Variants in LRRC28 observed in about 807,000 individuals in gnomAD.
LRRC28 encodes the protein leucine-rich repeat-containing protein 28.
LRRC28 carries 39 observed loss-of-function variants against 45.7 expected under a neutral mutation model. The observed-to-expected ratio is 0.85, with a 90% CI of 0.66 to 1.12. The LOEUF (loss-of-function observed/expected upper bound fraction) is 1.12, where lower values mean the gene tolerates loss of function less well. Ranked by LOEUF, LRRC28 falls within the 50% of genes most tolerant of loss-of-function variation. The pLI is 0.00. For missense variants in LRRC28, 435 were observed against 438.5 expected (o/e 0.99, Z 0.07); for synonymous variants, 206 against 178.8 (o/e 1.15, Z -1.22).
At chr15:99,330,423 ACAT>A (rs1956123132) in intron 5 of LRRC28, among the ~76,000 whole-genome samples, 1 of 152,164 alleles carries the variant, frequency 6.6e-6, no homozygotes, top group African/African-American at 2.4e-5. Flanking sequence ...GGCTCTCGTT[ACAT>A]GTCTATATAT....
At chr15:99,270,018 A>G (rs754763596) in intron 2 of LRRC28, among the ~76,000 whole-genome samples, 14 of 152,230 alleles carry the variant, frequency 9.2e-5, no homozygotes, top group Non-Finnish European at 1.9e-4. Flanking sequence ...ATATTGCTCT[A>G]TGACATATAT....
rs764157690 is a variant in LRRC28, at chr15:99,333,578, G to GA, written c.386-344dup. On this transcript the variant is annotated intron_variant, in intron 5 of 9. Transcript: ENST00000301981. The stretch of plus-strand genomic sequence containing the variant: ...TGGCAAAAACCAGGTTCCTTGAAAT[G>GA]ACTGTAATTGTTCTTTTCTCACCCT... 3.6e-5 allele frequency: 9 copies of GA among 250,200 alleles called. No individual in the cohort carries two copies. In the South Asian group the frequency reaches 5.5e-4, roughly 15 times the overall value. The allele number at this position is 250,200 out of a possible 1,614,324, so 15.5% of individuals were successfully genotyped here.
chr15:99,287,975 A>T, intron 5 of LRRC28, 24 bp downstream of exon 5: 1 of 1,587,214 alleles, frequency 6.3e-7, no homozygotes, highest in Non-Finnish European at 8.6e-7. Context: ...CTAGCACACT[A>T]TAGTTTCTTG....
At chr15:99,331,584 C>G (rs1422743148) in intron 5 of LRRC28, among the ~76,000 whole-genome samples, 1 of 152,140 alleles carries the variant, frequency 6.6e-6, no homozygotes, top group African/African-American at 2.4e-5. Context: ...CAAAAAACAT[C>G]CTTTCATCCT....
At chr15:99,280,448 C>A (rs918344113) in intron 3 of LRRC28, among the ~76,000 whole-genome samples, 1 of 148,238 alleles carries the variant, frequency 6.7e-6, no homozygotes, top group African/African-American at 2.5e-5. Context: ...CATTTATCAC[C>A]TATATTTTTA....
chr15:99,361,987 G>A (rs560394630), intron 8 of LRRC28, among the ~76,000 whole-genome samples: 76 of 152,328 alleles, frequency 5.0e-4, no homozygotes, highest in African/African-American at 1.6e-3. Flanking sequence ...TCAGCAATAT[G>A]TAGACCTAAA....
At chr15:99,302,182 A>G (rs1955000590) in intron 5 of LRRC28, among the ~76,000 whole-genome samples, 2 of 151,770 alleles carry the variant, frequency 1.3e-5, no homozygotes, top group South Asian at 4.2e-4. Flanking sequence ...GCCCGCCACC[A>G]TGCCTGGCTA....
intron 2 of LRRC28, chr15:99,257,552 G>T: frequency 2.0e-6 from 1 of 507,222 alleles, no homozygotes; most frequent in East Asian, 3.9e-5. Flanking sequence ...CTGGAGGTGT[G>T]AGGATCCAAC....
chr15:99,322,501 C>G (rs1292192329), intron 5 of LRRC28, among the ~76,000 whole-genome samples: 1 of 152,056 alleles, frequency 6.6e-6, no homozygotes, highest in African/African-American at 2.4e-5. Flanking sequence ...TTCTGTATTT[C>G]TCTCTATTCT....
At position 99,349,376 on chromosome 15, in the gene LRRC28, G is replaced by A. The variant is rs1458284752; in HGVS notation, c.593-2993G>A. On this transcript the variant is annotated intron_variant, in intron 6 of 9. Coordinates refer to ENST00000301981, the MANE Select transcript of LRRC28 (RefSeq NM_144598.5). Reference sequence around the variant, plus strand: ...ACAGCTGAATCACCATTTGAAAAAAGGAATTATTAGCTGTACTTTTTATGC... The same window carrying A: ...ACAGCTGAATCACCATTTGAAAAAAAGAATTATTAGCTGTACTTTTTATGC... 3.3e-5 allele frequency among the ~76,000 whole-genome samples: 5 copies of A among 151,962 alleles called. No homozygotes were observed. In the East Asian group the frequency reaches 5.8e-4, roughly 18 times the overall value.
At chr15:99,273,380 G>A (rs1298074887) in intron 2 of LRRC28, among the ~76,000 whole-genome samples, 2 of 152,064 alleles carry the variant, frequency 1.3e-5, no homozygotes, top group Non-Finnish European at 2.9e-5. Context: ...GGGACTACAG[G>A]CACTCACCAC....
intron 8 of LRRC28, among the ~76,000 whole-genome samples, 160 bp downstream of exon 8, chr15:99,361,671 G>A (rs1209602291): frequency 6.6e-6 from 1 of 152,146 alleles, no homozygotes; most frequent in Admixed American, 6.5e-5. Flanking sequence ...ATACAGTTCA[G>A]TGGCATTAAG....
At chr15:99,371,396 G>T (rs941903319) in intron 9 of LRRC28, among the ~76,000 whole-genome samples, 1 of 152,168 alleles carries the variant, frequency 6.6e-6, no homozygotes, top group African/African-American at 2.4e-5. Context: ...TGATTGTTGT[G>T]CCTTGAGGTA....
intron 9 of LRRC28, among the ~76,000 whole-genome samples, chr15:99,365,200 C>G (rs1957307543): frequency 6.6e-6 from 1 of 152,168 alleles, no homozygotes; most frequent in African/African-American, 2.4e-5. Flanking sequence ...CTTGCATTTT[C>G]CATTTACTGT....
chr15:99,254,135 A>T (rs1597134847), intron 1 of LRRC28, among the ~76,000 whole-genome samples: 1 of 152,240 alleles, frequency 6.6e-6, no homozygotes, highest in East Asian at 1.9e-4. Context: ...AGAATCATTG[A>T]TGTTATTTGT....
At chr15:99,315,180 C>T (rs1597325329) in intron 5 of LRRC28, among the ~76,000 whole-genome samples, 2 of 152,126 alleles carry the variant, frequency 1.3e-5, no homozygotes, top group African/African-American at 4.8e-5. Flanking sequence ...AGTATAATTT[C>T]AGTGTTGATT....
chr15:99,261,701 A>T lies in LRRC28; in HGVS notation c.168+5576A>T, dbSNP rs549297950. ...AGATGGAGTTTCACTCTTGTTGCCC[A>T]GGCTGGAGTGCAATGGCTCTGTCTC... is the stretch of plus-strand genomic sequence containing the variant. On this transcript the variant is annotated intron_variant, in intron 2 of 9. Transcript: ENST00000301981. Among the ~76,000 whole-genome samples, 7 of 151,852 alleles carry T rather than the reference A, an allele frequency of 4.6e-5. No homozygotes were observed. The East Asian group carries it at 1.4e-3, about 29-fold the overall frequency.
intron 9 of LRRC28, among the ~76,000 whole-genome samples, chr15:99,376,787 A>G (rs961586113): frequency 6.6e-6 from 1 of 152,068 alleles, no homozygotes; most frequent in African/African-American, 2.4e-5. Context: ...GAGTGAGGAC[A>G]TGTGGTGTTT....
chr15:99,311,446 T>C (rs975133741), intron 5 of LRRC28, among the ~76,000 whole-genome samples: 1 of 152,258 alleles, frequency 6.6e-6, no homozygotes, highest in Non-Finnish European at 1.5e-5. Context: ...ATTGTTCAAT[T>C]TCCAAGTGTT....
Sources: allele counts gnomAD v4.1 joint callset (sites outside exome capture counted in the v4.1 genomes callset), GRCh38; gene constraint gnomAD v4.1.1; transcripts MANE v1.5; gene names NCBI Gene and HGNC (gene_info 2026-07-23, HGNC 2026-07-21).